The following CC2D1B variants were observed in gnomAD, a reference collection of about 807,000 sequenced individuals.
CC2D1B encodes the protein coiled-coil and C2 domain-containing protein 1B.
A neutral mutation model predicts 110.8 loss-of-function variants in CC2D1B; 92 were observed. That is an observed-to-expected ratio of 0.83 (90% CI 0.70 to 0.99). The LOEUF is 0.99. Among genes scored for constraint, CC2D1B ranks in the 50% least tolerant of loss-of-function variants. The probability of loss-of-function intolerance (pLI) is 0.00; values close to 1 mark genes in which losing one functional copy is unlikely to be tolerated. For synonymous variants in CC2D1B, 406 were observed against 429.2 expected, an observed-to-expected ratio of 0.95 and a Z score of 0.67; for missense variants, 1,136 against 1,089.0, an observed-to-expected ratio of 1.04 and a Z score of -0.61.
At position 52,362,616 on chromosome 1, in the gene CC2D1B, G is replaced by C. The variant is rs1453828097; in HGVS notation, c.200C>G (p.Ala67Gly). The change falls in exon 3 of 25, where the codon GCA becomes GGA. Residue 67 changes from alanine (A) to glycine (G), a missense_variant. Coordinates refer to ENST00000284376, the MANE Select transcript of CC2D1B (RefSeq NM_001330585.2). Reference protein sequence around the residue: ...GEAQTTGKKPAPKGQAPLPMA... With the variant: ...GEAQTTGKKPGPKGQAPLPMA... Reference sequence around the variant, plus strand: ...TCCAAACTCACCCTGCCCCTTGGGTGCTGGCTTCTTGCCTGTGGTTTGTGC... The same window carrying C: ...TCCAAACTCACCCTGCCCCTTGGGTCCTGGCTTCTTGCCTGTGGTTTGTGC... The C allele has an allele frequency of 1.2e-6, 2 of 1,614,172 alleles. No homozygotes were observed. Among genetic ancestry groups the C allele is most frequent in the East Asian group, 4.5e-5 (2 of 44,884 alleles).
In CC2D1B at chr1:52,360,562, C is replaced by T; in HGVS notation, c.478-13G>A. 6.2e-7 allele frequency: 1 copy of T among 1,612,710 alleles called. No homozygotes were observed. Among genetic ancestry groups the T allele is most frequent in the South Asian group, 1.1e-5 (1 of 90,878 alleles). Reference sequence around the variant, plus strand: ...GAGATGCTCCGGCCTATGAACAATTCAGCTAAGGGCCTGGCCACTCCAGGG... The same window carrying T: ...GAGATGCTCCGGCCTATGAACAATTTAGCTAAGGGCCTGGCCACTCCAGGG... On this transcript the variant is annotated splice_polypyrimidine_tract_variant and intron_variant, in intron 5 of 24. Coordinates refer to ENST00000284376, the MANE Select transcript of CC2D1B (RefSeq NM_001330585.2).
rs1372043755 is a variant in CC2D1B, at chr1:52,355,638, A to T, written c.2157T>A (p.Phe719Leu). The T allele has an allele frequency of 1.2e-6, 2 of 1,614,096 alleles. No individual in the cohort carries two copies. The highest frequency in any genetic ancestry group is 1.7e-6 in the Non-Finnish European group (2 of 1,180,046). Residue 719 changes from phenylalanine (F) to leucine (L), a missense_variant, in exon 20 of 25, where the codon TTT (phenylalanine) becomes TTA (leucine). Coordinates refer to ENST00000284376, the MANE Select transcript of CC2D1B (RefSeq NM_001330585.2). ...TAGGGTAGTGAAACTCAAACCGCAC[A>T]AAAGCATCCAGGTCATCGGGAGTCA... ...PGVTPDDLDA[F>L]VRFEFHYPNS...
intron 2 of CC2D1B, 94 bp downstream of exon 2, chr1:52,364,458 A>C: frequency 1.4e-6 from 1 of 718,364 alleles, no homozygotes; most frequent in Non-Finnish European, 2.3e-6. Context: ...TCTCTGAACT[A>C]ATGGGGGAAC....
At chr1:52,360,029 C>A (rs770868832) in intron 7 of CC2D1B, 45 bp downstream of exon 7, 73 of 1,552,006 alleles carry the variant, frequency 4.7e-5, no homozygotes, top group Non-Finnish European at 6.2e-5. Context: ...ACGCTGTGGG[C>A]TATGACCCCA....
At chr1:52,364,135 A>T (rs910459461) in intron 2 of CC2D1B, among the ~76,000 whole-genome samples, 2 of 152,198 alleles carry the variant, frequency 1.3e-5, no homozygotes, top group African/African-American at 4.8e-5. Flanking sequence ...TGGACTAAGA[A>T]GTCTCAAGAT....
At chr1:52,358,288 G>A in intron 13 of CC2D1B, 43 bp downstream of exon 13, 1 of 1,597,608 alleles carries the variant, frequency 6.3e-7, no homozygotes, top group Non-Finnish European at 8.5e-7. Context: ...CCCCTCACCT[G>A]CTATTCTCCC....
intron 4 of CC2D1B, 98 bp downstream of exon 4, chr1:52,361,415 A>C: frequency 6.4e-7 from 1 of 1,570,482 alleles, no homozygotes; most frequent in Non-Finnish European, 8.6e-7. Context: ...TCAGAGTCAG[A>C]GAATACAGGG....
chr1:52,358,527 G>T (rs1646705110), intron 12 of CC2D1B, 66 bp from the exon 13 acceptor site: 2 of 1,607,962 alleles, frequency 1.2e-6, no homozygotes, highest in Non-Finnish European at 1.7e-6. Flanking sequence ...GCTACCCGGG[G>T]CCCTGTCTGG....
rs763667489 is a variant in CC2D1B at position 52,356,436 on chromosome 1, G to C, written c.1885C>G (p.Leu629Val). The change falls in exon 17 of 25, where the codon CTG becomes GTG. Residue 629 changes from leucine to valine, a missense_variant. By Grantham distance (32) the Leu-to-Val change is conservative. Transcript: ENST00000284376. Reference protein sequence around the residue: ...KMLLEQQEKCLLFSKQFMHQG... With the variant: ...KMLLEQQEKCVLFSKQFMHQG... ...TGCATGAACTGCTTGGAGAACAGCA[G>C]GCACTTCTGAAAATAGAGGCCCAGA... 19 of 1,614,130 alleles carry C rather than the reference G, an allele frequency of 1.2e-5. No individual in the cohort carries two copies. Among genetic ancestry groups the C allele is most frequent in the Admixed American group, 8.3e-5 (5 of 60,010 alleles).
rs1199816938 is a variant in CC2D1B, at chr1:52,358,437, T to G, written c.1355A>C (p.Glu452Ala). 5 of 1,613,934 alleles carry G rather than the reference T, an allele frequency of 3.1e-6. No individual in the cohort carries two copies. Among genetic ancestry groups the G allele is most frequent in the Non-Finnish European group, 4.2e-6 (5 of 1,180,002 alleles). ...GTCCTCCTCAACACCCATAGTGGACTCCAGGCCAGGGATGGGGGGAAATCC... is the reference window on the plus strand; with the variant it reads ...GTCCTCCTCAACACCCATAGTGGACGCCAGGCCAGGGATGGGGGGAAATCC... ...PPGFPPIPGL[E>A]STMGVEEDAV... The change falls in exon 13 of 25, where the codon GAG becomes GCG. Residue 452 changes from glutamate to alanine, a missense_variant. Coordinates refer to ENST00000284376, the MANE Select transcript of CC2D1B (RefSeq NM_001330585.2).
intron 20 of CC2D1B, 78 bp downstream of exon 20, chr1:52,355,530 G>A: frequency 1.2e-6 from 2 of 1,600,894 alleles, no homozygotes; most frequent in Non-Finnish European, 1.7e-6. Flanking sequence ...ACACCTCCCA[G>A]GGATGGGAAG....
rs868457673 is a variant in CC2D1B at position 52,357,650 on chromosome 1, C to A, written c.1628G>T (p.Arg543Leu). The change falls in exon 15 of 25, where the codon CGG (arginine) becomes CTG (leucine). Residue 543 changes from arginine to leucine, a missense_variant. Coordinates refer to ENST00000284376, the MANE Select transcript of CC2D1B (RefSeq NM_001330585.2). ...LLEARKLQYQ[R>L]AALQAKRSQD... Reference sequence around the variant, plus strand: ...GCTGCGCTTGGCCTGCAGGGCTGCCCGCTGATACTGCAGTTTCCGTGCCTC... The same window carrying A: ...GCTGCGCTTGGCCTGCAGGGCTGCCAGCTGATACTGCAGTTTCCGTGCCTC... 1 of 1,598,592 alleles carries A rather than the reference C, an allele frequency of 6.3e-7. No homozygotes were observed. The highest frequency in any genetic ancestry group is 1.3e-5 in the African/African-American group (1 of 74,862).
chr1:52,356,611 C>A, intron 16 of CC2D1B, 169 bp from the exon 17 acceptor site: 2 of 682,880 alleles, frequency 2.9e-6, no homozygotes, highest in East Asian at 5.4e-5. Context: ...GTTTCTCTGC[C>A]TACACTTTTG....
rs747387346 is a variant in CC2D1B, at chr1:52,357,055, C to T, written c.1824G>A (p.Gln608=). Residue 608 remains glutamine (Q), a synonymous_variant, in exon 16 of 25, where the codon CAG becomes CAA. Coordinates refer to ENST00000284376, the MANE Select transcript of CC2D1B (RefSeq NM_001330585.2). ...GCTGGGCATACACCTCCTCCGCCTT[C>T]TGGGAGAGTCGCAGGTCCTCATGGT... ...LIHHEDLRLS[Q]KAEEVYAQLQ... 4.4e-6 allele frequency: 7 copies of T among 1,605,430 alleles called. No homozygotes were observed. The highest frequency in any genetic ancestry group is 1.3e-5 in the African/African-American group (1 of 74,790).
rs781283649 is a variant in CC2D1B, at chr1:52,355,632, C to T, written c.2163G>A (p.Arg721=). ...CCGAGTTAGGGTAGTGAAACTCAAA[C>T]CGCACAAAAGCATCCAGGTCATCGG... The part of the protein sequence containing the change: ...VTPDDLDAFV[R]FEFHYPNSDQ... The change falls in exon 20 of 25, where the codon CGG becomes CGA. Residue 721 remains arginine (R), a synonymous_variant. Coordinates refer to ENST00000284376, the MANE Select transcript of CC2D1B (RefSeq NM_001330585.2). 1.2e-6 allele frequency: 2 copies of T among 1,614,218 alleles called. No individual in the cohort carries two copies. Among genetic ancestry groups the T allele is most frequent in the East Asian group, 2.2e-5 (1 of 44,886 alleles).
intron 13 of CC2D1B, 92 bp from the exon 14 acceptor site, chr1:52,357,990 C>T (rs1646692353): frequency 1.3e-6 from 2 of 1,485,454 alleles, no homozygotes; most frequent in Admixed American, 4.7e-5. Context: ...TAACACTGTA[C>T]TACATCGCTG....
In CC2D1B at chr1:52,355,417, C is replaced by T. The variant is rs776015720; in HGVS notation, c.2220G>A (p.Val740=). Residue 740 remains valine, a synonymous_variant, in exon 21 of 25, where the codon GTG becomes GTA. Coordinates refer to ENST00000284376, the MANE Select transcript of CC2D1B (RefSeq NM_001330585.2). ...DQAQKSKTAV[V]KNTNSPEFDQ... is the part of the protein sequence containing the mutation. The stretch of plus-strand genomic sequence containing the variant: ...CCTCACCTGGAGAGTTTGTGTTCTT[C>T]ACCACAGCTGTTTTGCTTTTTTGAG... The T allele has an allele frequency of 1.9e-6, 3 of 1,614,038 alleles. No individual in the cohort carries two copies. Among genetic ancestry groups the T allele is most frequent in the East Asian group, 4.5e-5 (2 of 44,892 alleles).
rs1447635709 is a variant in CC2D1B, at chr1:52,353,175, A to G, written c.*50T>C. ...TGAAGCCAGCAAAGCTGGGAAAGTC[A>G]TCTCCTGCACAGTCGCGGCCTGACT... On this transcript the variant is annotated 3_prime_UTR_variant, in exon 25 of 25. Transcript: ENST00000284376. 9 of 1,321,418 alleles carry G rather than the reference A, an allele frequency of 6.8e-6. No homozygotes were observed. The highest frequency in any genetic ancestry group is 4.5e-5 in the Admixed American group (2 of 44,004). 81.9% of individuals were successfully genotyped at this position (1,321,418 alleles called of 1,614,324 possible). A position where few individuals can be genotyped will look rare whatever the true frequency, so the allele number is the denominator to read the frequency against.
In CC2D1B at chr1:52,357,833, C is replaced by T; in HGVS notation, c.1527G>A (p.Gln509=). 1 of 1,594,412 alleles carries T rather than the reference C, an allele frequency of 6.3e-7. No individual in the cohort carries two copies. Among genetic ancestry groups the T allele is most frequent in the Non-Finnish European group, 8.5e-7 (1 of 1,170,832 alleles). Residue 509 remains glutamine (Q), a synonymous_variant, in exon 14 of 25, where the codon CAG becomes CAA. Coordinates refer to ENST00000284376, the MANE Select transcript of CC2D1B (RefSeq NM_001330585.2). The part of the protein sequence containing the change: ...KPARPTVPSS[Q]RLPEPRASSS... ...TTGAGGCCCTGGGCTCAGGCAGGCG[C>T]TGGGATGAAGGGACTGTGGGCCGTG...
Sources: allele counts gnomAD v4.1 joint callset (sites outside exome capture counted in the v4.1 genomes callset), GRCh38; gene constraint gnomAD v4.1.1; transcripts MANE v1.5; gene names NCBI Gene and HGNC (gene_info 2026-07-23, HGNC 2026-07-21).